The following CNGB3 variants were observed in gnomAD, a reference collection of about 807,000 sequenced individuals.
CNGB3 encodes the protein cyclic nucleotide gated channel subunit beta 3, also known as cyclic nucleotide-gated channel beta-3.
In CNGB3, 86 loss-of-function variants were observed where a neutral mutation model predicts 92.8. That is an observed-to-expected ratio of 0.93 (90% CI 0.78 to 1.11). CNGB3 has a LOEUF of 1.11. Among genes scored for constraint, CNGB3 ranks in the 50% least tolerant of loss-of-function variants. CNGB3 has a pLI of 0.00. For synonymous variants in CNGB3, 333 were observed against 332.7 expected, an observed-to-expected ratio of 1.00 and a Z score of -0.01; for missense variants, 1,026 against 956.8, an observed-to-expected ratio of 1.07 and a Z score of -0.95.
intron 9 of CNGB3, 110 bp from the exon 10 acceptor site, chr8:86,643,983 G>C (rs1284986146): frequency 8.6e-7 from 1 of 1,166,558 alleles, no homozygotes; most frequent in Non-Finnish European, 1.2e-6. Context: ...CTTTGGATTT[G>C]TGAACTGTTA....
chr8:86,620,187 T>G (rs187038866), intron 13 of CNGB3, among the ~76,000 whole-genome samples: 2 of 152,302 alleles, frequency 1.3e-5, no homozygotes, highest in Admixed American at 1.3e-4. Context: ...TCAGGTAAGT[T>G]GTTTGCTCTC....
chr8:86,634,756 G>A (rs932437469), intron 10 of CNGB3, among the ~76,000 whole-genome samples: 7 of 151,148 alleles, frequency 4.6e-5, no homozygotes, highest in Non-Finnish European at 7.4e-5. Context: ...TATAACATTA[G>A]CACTTTGGGT....
rs548817727 is a variant in CNGB3 at position 86,644,664 on chromosome 8, T to A, written c.1013A>T (p.Asn338Ile). The change falls in exon 9 of 18, where the codon AAT becomes ATT. Residue 338 changes from asparagine to isoleucine, a missense_variant. By Grantham distance (149) the Asn-to-Ile change is moderately radical. Coordinates refer to ENST00000320005, the MANE Select transcript of CNGB3 (RefSeq NM_019098.5). ...GTCCATTATAGACTCTAGGTGATGA[T>A]TAAATTCAAAAAATGAAGTGTACTA... is the stretch of plus-strand genomic sequence containing the variant. The part of the protein sequence containing the change: ...MLKYTSFFEF[N>I]HHLESIMDKA... 2 of 1,589,716 alleles carry A rather than the reference T, an allele frequency of 1.3e-6. No homozygotes were observed. Among genetic ancestry groups the A allele is most frequent in the Non-Finnish European group, 1.7e-6 (2 of 1,165,262 alleles).
intron 3 of CNGB3, among the ~76,000 whole-genome samples, chr8:86,726,195 C>T (rs528914961): frequency 6.6e-6 from 1 of 152,274 alleles, no homozygotes; most frequent in South Asian, 2.1e-4. Flanking sequence ...GGAAAATTTT[C>T]ATCATTTCTT....
intron 3 of CNGB3, among the ~76,000 whole-genome samples, chr8:86,674,259 T>G (rs1823921369): frequency 6.6e-6 from 1 of 152,264 alleles, no homozygotes; most frequent in Admixed American, 6.5e-5. Flanking sequence ...ATTGACCATA[T>G]AATTGCCATT....
At chr8:86,658,738 CCATGTTCT>C in intron 6 of CNGB3, 1 of 488,928 alleles carries the variant, frequency 2.0e-6, no homozygotes, top group Admixed American at 2.8e-5. Context: ...CTGGTGATCT[CCATGTTCT>C]CATTGTTCAG....
intron 10 of CNGB3, among the ~76,000 whole-genome samples, chr8:86,635,861 TATACAC>T (rs1554611018): frequency 0.043 from 2,805 of 65,774 alleles, 68 homozygotes; most frequent in Non-Finnish European, 0.054. Flanking sequence ...TATATATATA[TATACAC>T]ATACACATAT....
chr8:86,668,547 C>T (rs1248295126), intron 4 of CNGB3, among the ~76,000 whole-genome samples: 1 of 152,014 alleles, frequency 6.6e-6, no homozygotes, highest in African/African-American at 2.4e-5. Context: ...TCTTTTGATA[C>T]AGACAGATGA....
intron 3 of CNGB3, among the ~76,000 whole-genome samples, chr8:86,704,723 A>G (rs1310077297): frequency 1.3e-5 from 2 of 152,178 alleles, no homozygotes; most frequent in Non-Finnish European, 2.9e-5. Context: ...GATTAATTCC[A>G]TAGTTCTTTT....
rs114561960 is a variant in CNGB3, at chr8:86,644,240, C to T, written c.1056-367G>A. 9.8e-3 allele frequency among the ~76,000 whole-genome samples: 1,483 copies of T among 151,248 alleles called. 21 individuals are homozygous for T. Among genetic ancestry groups the T allele is most frequent in the African/African-American group, 0.033 (1,384 of 41,390 alleles). On this transcript the variant is annotated intron_variant, in intron 9 of 17. Coordinates refer to ENST00000320005, the MANE Select transcript of CNGB3 (RefSeq NM_019098.5). ...GAAAAGCTCATGAGACTTTATGCTA[C>T]GATGAATGGCAACTAGAGGTTTCGG...
intron 3 of CNGB3, among the ~76,000 whole-genome samples, chr8:86,689,538 CTTTA>C (rs1462544601): frequency 2.0e-5 from 3 of 149,666 alleles, no homozygotes; most frequent in Non-Finnish European, 4.5e-5. Flanking sequence ...TTTATTATTT[CTTTA>C]TTTTTTTATT....
At chr8:86,587,471 G>A (rs1001184816) in intron 15 of CNGB3, among the ~76,000 whole-genome samples, 6 of 152,072 alleles carry the variant, frequency 3.9e-5, no homozygotes, top group African/African-American at 7.3e-5. Context: ...ATGGTTTTAG[G>A]TCTAACGTTT....
chr8:86,737,490 T>A (rs368095316), intron 2 of CNGB3, among the ~76,000 whole-genome samples: 1 of 152,162 alleles, frequency 6.6e-6, no homozygotes, highest in Non-Finnish European at 1.5e-5. Flanking sequence ...AGAGCGGTCC[T>A]TTTTTTAAAT....
intron 14 of CNGB3, among the ~76,000 whole-genome samples, chr8:86,607,246 CT>C (rs1822428464): frequency 1.3e-5 from 2 of 152,158 alleles, no homozygotes; most frequent in African/African-American, 4.8e-5. Flanking sequence ...TAATTTAAGC[CT>C]TTTCTGCAAG....
chr8:86,706,447 T>C (rs1023765084), intron 3 of CNGB3, among the ~76,000 whole-genome samples: 3 of 152,232 alleles, frequency 2.0e-5, no homozygotes, highest in Non-Finnish European at 4.4e-5. Flanking sequence ...CGCTCATTAG[T>C]GTGAGAAAAG....
At chr8:86,653,882 A>G in intron 7 of CNGB3, 130 bp downstream of exon 7, 2 of 710,454 alleles carry the variant, frequency 2.8e-6, no homozygotes, top group Non-Finnish European at 5.1e-6. Context: ...GAGAGGCAGA[A>G]ACTTCAGGCT....
chr8:86,589,684 T>C (rs571580291), intron 15 of CNGB3, among the ~76,000 whole-genome samples: 6 of 152,366 alleles, frequency 3.9e-5, no homozygotes, highest in South Asian at 2.1e-4. Context: ...TCTAGTTTCA[T>C]TGAACTGTGG....
At chr8:86,609,643 T>C (rs1822480661) in intron 14 of CNGB3, among the ~76,000 whole-genome samples, 1 of 152,182 alleles carries the variant, frequency 6.6e-6, no homozygotes, top group Non-Finnish European at 1.5e-5. Flanking sequence ...CCCAGTTCCA[T>C]CCTCTCTCAT....
intron 15 of CNGB3, 83 bp from the exon 16 acceptor site, chr8:86,579,335 A>G: frequency 6.8e-7 from 1 of 1,465,464 alleles, no homozygotes. Flanking sequence ...CAACTATTAT[A>G]AGTATTTATA....
Sources: allele counts gnomAD v4.1 joint callset (sites outside exome capture counted in the v4.1 genomes callset), GRCh38; gene constraint gnomAD v4.1.1; transcripts MANE v1.5; gene names NCBI Gene and HGNC (gene_info 2026-07-23, HGNC 2026-07-21).